Variants in BCAS1 observed in about 807,000 individuals in gnomAD.
BCAS1 encodes the protein brain enriched myelin associated protein 1.
A neutral mutation model predicts 65.4 loss-of-function variants in BCAS1; 46 were observed. The observed-to-expected ratio is 0.70, with a 90% confidence interval of 0.55 to 0.90. The LOEUF is 0.90. Ranked by LOEUF, BCAS1 falls within the 40% of genes least tolerant of loss-of-function variation. The pLI is 0.00. For synonymous variants in BCAS1, 298 were observed against 293.5 expected (o/e 1.02, Z -0.16); for missense variants, 793 against 771.2 (o/e 1.03, Z -0.33).
intron 4 of BCAS1, among the ~76,000 whole-genome samples, chr20:54,027,913 C>T (rs2091710482): frequency 1.3e-5 from 2 of 152,146 alleles, no homozygotes; most frequent in Non-Finnish European, 2.9e-5. Context: ...TCTCCTTATT[C>T]AAACACACAC....
At chr20:54,021,015 C>G (rs1330516098) in intron 4 of BCAS1, among the ~76,000 whole-genome samples, 2 of 152,182 alleles carry the variant, frequency 1.3e-5, no homozygotes, top group African/African-American at 4.8e-5. Flanking sequence ...GTAGCAGCTT[C>G]TACTTGCTCC....
chr20:54,038,373 C>A (rs569029157), intron 3 of BCAS1, among the ~76,000 whole-genome samples: 1 of 151,282 alleles, frequency 6.6e-6, no homozygotes, highest in African/African-American at 2.4e-5. Flanking sequence ...TTCCTCTCCA[C>A]GACCTGTAAG....
intron 4 of BCAS1, among the ~76,000 whole-genome samples, chr20:54,009,602 T>C (rs1213282288): frequency 6.6e-6 from 1 of 152,168 alleles, no homozygotes; most frequent in African/African-American, 2.4e-5. Flanking sequence ...AAAGAAGTCT[T>C]CAGGCCCAGA....
chr20:54,056,887 C>G (rs1434825264), intron 3 of BCAS1, among the ~76,000 whole-genome samples: 1 of 152,140 alleles, frequency 6.6e-6, no homozygotes, highest in South Asian at 2.1e-4. Flanking sequence ...GTAATATGTG[C>G]TTTCATTATA....
At position 54,051,229 on chromosome 20, in the gene BCAS1, C is replaced by G. The variant is rs1275284883; in HGVS notation, c.142+6856G>C. ...TGTGGGACTAAATGTTCTGTCCTTT[C>G]TAACTGCCTGATCTCTGAGCCATGG... On this transcript the variant is annotated intron_variant, in intron 3 of 12. Coordinates refer to ENST00000688948, the MANE Select transcript of BCAS1 (RefSeq NM_001366298.2). Among the ~76,000 whole-genome samples the G allele has an allele frequency of 2.6e-5, 4 of 152,300 alleles. No homozygotes were observed. The East Asian group carries it at 5.8e-4, about 22-fold the overall frequency.
intron 4 of BCAS1, among the ~76,000 whole-genome samples, chr20:54,002,098 C>T (rs1280304576): frequency 1.3e-5 from 2 of 151,820 alleles, no homozygotes; most frequent in African/African-American, 2.4e-5. Context: ...TATTGGTCAG[C>T]TCTCTGCCTC....
intron 3 of BCAS1, among the ~76,000 whole-genome samples, chr20:54,052,629 A>G (rs2092236263): frequency 1.3e-5 from 2 of 152,184 alleles, no homozygotes; most frequent in Admixed American, 1.3e-4. Flanking sequence ...GGAACTAGTT[A>G]GTCCCTTTCC....
intron 4 of BCAS1, among the ~76,000 whole-genome samples, chr20:54,021,894 C>T (rs1219897475): frequency 6.6e-6 from 1 of 151,660 alleles, no homozygotes; most frequent in African/African-American, 2.4e-5. Flanking sequence ...TGCATTTGTA[C>T]CCCAGAACTT....
At chr20:54,058,036 C>T (rs769545843) in intron 3 of BCAS1, 49 bp downstream of exon 3, 11 of 1,353,506 alleles carry the variant, frequency 8.1e-6, no homozygotes, top group East Asian at 6.9e-5. Context: ...CATCTGCAGA[C>T]CCCCCTTCCC....
At chr20:54,058,214 A>G (rs1451701167) in intron 2 of BCAS1, 60 bp from the exon 3 acceptor site, 1 of 1,444,274 alleles carries the variant, frequency 6.9e-7, no homozygotes, top group African/African-American at 1.4e-5. Context: ...GAAGAACTCA[A>G]GGAAGAACCT....
chr20:54,058,454 A>C (rs2092330592), intron 2 of BCAS1, among the ~76,000 whole-genome samples, 193 bp downstream of exon 2: 1 of 152,108 alleles, frequency 6.6e-6, no homozygotes, highest in Non-Finnish European at 1.5e-5. Flanking sequence ...GGCATTTGTC[A>C]AGTCAGGGCT....
intron 4 of BCAS1, among the ~76,000 whole-genome samples, chr20:53,997,202 C>T (rs6022906): frequency 0.13 from 19,097 of 152,252 alleles, 2,582 homozygotes; most frequent in African/African-American, 0.34. Flanking sequence ...CATTAGACTA[C>T]AAACTCGACA....
intron 4 of BCAS1, among the ~76,000 whole-genome samples, chr20:54,022,642 A>C (rs946765217): frequency 6.6e-6 from 1 of 152,222 alleles, no homozygotes; most frequent in African/African-American, 2.4e-5. Flanking sequence ...CAGGTAACTT[A>C]AGTTCTCCCC....
Position 53,944,632 on chromosome 20 carries a change from A to G in BCAS1, c.*290T>C, listed in dbSNP as rs1285167309. 1 of 346,908 alleles carries G rather than the reference A, an allele frequency of 2.9e-6. No homozygotes were observed. Among genetic ancestry groups the G allele is most frequent in the Non-Finnish European group, 5.5e-6 (1 of 181,348 alleles). 21.5% of individuals were successfully genotyped at this position (346,908 alleles called of 1,614,324 possible). ...CCACCACTGCCATTTTCATCACTTA[A>G]CCCGAACACATTCCTCTATTCCCTC... On this transcript the variant is annotated 3_prime_UTR_variant, in exon 13 of 13. Transcript: ENST00000688948.
intron 4 of BCAS1, among the ~76,000 whole-genome samples, chr20:54,026,743 G>A (rs1204067140): frequency 1.3e-5 from 2 of 152,222 alleles, no homozygotes; most frequent in East Asian, 1.9e-4. Flanking sequence ...GAATATTGAC[G>A]ACTAGTTTAC....
chr20:54,058,612 T>G (rs1410600286), intron 2 of BCAS1, 35 bp downstream of exon 2: 2 of 1,539,836 alleles, frequency 1.3e-6, no homozygotes, highest in Non-Finnish European at 1.7e-6. Context: ...TTTTTTTTTT[T>G]TCTGCTGATG....
At chr20:54,008,950 A>G (rs556505791) in intron 4 of BCAS1, among the ~76,000 whole-genome samples, 2 of 152,212 alleles carry the variant, frequency 1.3e-5, no homozygotes, top group Admixed American at 1.3e-4. Context: ...AGCAACTGGT[A>G]TTACAGGTGT....
At chr20:54,053,248 T>C (rs948284533) in intron 3 of BCAS1, among the ~76,000 whole-genome samples, 12 of 152,224 alleles carry the variant, frequency 7.9e-5, no homozygotes, top group Non-Finnish European at 1.8e-4. Context: ...TTAAGATGAA[T>C]AATAATACCA....
At chr20:53,955,531 G>C (rs1600700437) in intron 11 of BCAS1, among the ~76,000 whole-genome samples, 1 of 152,208 alleles carries the variant, frequency 6.6e-6, no homozygotes, top group East Asian at 1.9e-4. Context: ...GATGCAGTGA[G>C]TGGCTAAGAA....
Sources: allele counts gnomAD v4.1 joint callset (sites outside exome capture counted in the v4.1 genomes callset), GRCh38; gene constraint gnomAD v4.1.1; transcripts MANE v1.5; gene names NCBI Gene and HGNC (gene_info 2026-07-23, HGNC 2026-07-21).